The following PFKFB3 variants were observed in gnomAD, a reference collection of about 807,000 sequenced individuals.
PFKFB3 encodes 6-phosphofructo-2-kinase/fructose-2,6-bisphosphatase 3.
A neutral mutation model predicts 68.0 loss-of-function variants in PFKFB3; 33 were observed. The ratio of observed to expected loss-of-function variants is 0.49; its 90% CI spans 0.37 to 0.65. The LOEUF (loss-of-function observed/expected upper bound fraction) is 0.65. Ranked by LOEUF, PFKFB3 falls within the 30% of genes least tolerant of loss-of-function variation. The pLI, the probability that PFKFB3 is intolerant of heterozygous loss-of-function variation, is 0.00. For missense variants in PFKFB3, 586 were observed against 712.2 expected, an observed-to-expected ratio of 0.82 and a Z score of 2.02; for synonymous variants, 315 against 288.2, an observed-to-expected ratio of 1.09 and a Z score of -0.94.
the PFKFB3 span, among the ~76,000 whole-genome samples, chr10:6,303,276 A>G: frequency 6.6e-6 from 1 of 152,222 alleles, no homozygotes; most frequent in African/African-American, 2.4e-5. Context: ...ACAAACAAGA[A>G]AAAGAAAAAG....
rs543765716 is a variant in PFKFB3 at position 6,156,708 on chromosome 10, G to A, written c.16+11695G>A. On this transcript the variant is annotated intron_variant, in intron 1 of 14. Coordinates refer to the PFKFB3 transcript ENST00000379789. ...TCGCCATGTTGGCCAGGCTGGTCTC[G>A]AATCCCTGACCTCGTGATCCGCCCA... 3.3e-5 allele frequency among the ~76,000 whole-genome samples: 5 copies of A among 149,872 alleles called. No individual in the cohort carries two copies. The East Asian group carries it at 6.2e-4, about 19-fold the overall frequency.
the PFKFB3 span, among the ~76,000 whole-genome samples, chr10:6,288,256 G>A: frequency 3.4e-5 from 5 of 149,134 alleles, 1 homozygote; most frequent in Admixed American, 3.3e-4. Flanking sequence ...ACAATGTGCA[G>A]GTTAGTTACA....
intron 1 of PFKFB3, among the ~76,000 whole-genome samples, chr10:6,163,605 G>T (rs1386804645): frequency 6.6e-6 from 1 of 152,042 alleles, no homozygotes; most frequent in African/African-American, 2.4e-5. Context: ...TGCACCCCGC[G>T]CCTGCTTCCT....
At chr10:6,177,161 C>G (rs1238182661) in intron 1 of PFKFB3, among the ~76,000 whole-genome samples, 2 of 152,190 alleles carry the variant, frequency 1.3e-5, no homozygotes, top group African/African-American at 4.8e-5. Flanking sequence ...GATTCCTTAG[C>G]TCTACAGTGA....
chr10:6,256,278 G>A (rs1846493693), downstream of PFKFB3, among the ~76,000 whole-genome samples: 4 of 152,180 alleles, frequency 2.6e-5, no homozygotes, highest in South Asian at 8.3e-4. Flanking sequence ...TGAATTCCCA[G>A]GGACTAAGCA....
At chr10:6,205,854 G>C (rs1451151502) in intron 1 of PFKFB3, among the ~76,000 whole-genome samples, 1 of 151,944 alleles carries the variant, frequency 6.6e-6, no homozygotes, top group Non-Finnish European at 1.5e-5. Flanking sequence ...CTGGAGGGCA[G>C]TGGTGCGACC....
chr10:6,299,137 G>A, the PFKFB3 span, among the ~76,000 whole-genome samples: 15 of 152,276 alleles, frequency 9.9e-5, no homozygotes, highest in African/African-American at 3.6e-4. Flanking sequence ...TCTTGATAGC[G>A]CTGTGGTTAG....
chr10:6,149,062 G>C (rs1841492434), intron 1 of PFKFB3, among the ~76,000 whole-genome samples: 2 of 152,182 alleles, frequency 1.3e-5, no homozygotes, highest in Admixed American at 1.3e-4. Context: ...CTGAGTGACA[G>C]AGCAAGACCC....
chr10:6,241,259 T>A (rs902812566), intron 14 of PFKFB3, among the ~76,000 whole-genome samples: 8 of 152,172 alleles, frequency 5.3e-5, no homozygotes, highest in African/African-American at 1.9e-4. Context: ...TGGGACTGAG[T>A]CTGGTTAGGG....
At chr10:6,245,044 G>A (rs1349826910) in intron 14 of PFKFB3, among the ~76,000 whole-genome samples, 3 of 152,192 alleles carry the variant, frequency 2.0e-5, no homozygotes, top group Non-Finnish European at 2.9e-5. Context: ...GAGGGAAAGC[G>A]AGGTCAGGTG....
intron 1 of PFKFB3, among the ~76,000 whole-genome samples, chr10:6,197,443 G>A (rs577174800): frequency 6.6e-6 from 1 of 152,298 alleles, no homozygotes; most frequent in South Asian, 2.1e-4. Context: ...GTTTGTGTAA[G>A]TTCACTCTGT....
intron 1 of PFKFB3, among the ~76,000 whole-genome samples, chr10:6,177,590 A>T (rs1174166350): frequency 1.7e-4 from 24 of 144,138 alleles, no homozygotes; most frequent in African/African-American, 6.0e-4. Flanking sequence ...CAATGGTGCG[A>T]TCTCGGCTCA....
the PFKFB3 span, among the ~76,000 whole-genome samples, chr10:6,277,981 A>G: frequency 6.6e-6 from 1 of 151,164 alleles, no homozygotes; most frequent in South Asian, 2.1e-4. Context: ...CAGTGGCACC[A>G]TCTCTGGCTC....
At chr10:6,177,280 T>C (rs1294896158) in intron 1 of PFKFB3, among the ~76,000 whole-genome samples, 1 of 152,226 alleles carries the variant, frequency 6.6e-6, no homozygotes, top group Non-Finnish European at 1.5e-5. Flanking sequence ...CTTAGAATGC[T>C]CACCAGATTG....
the PFKFB3 span, among the ~76,000 whole-genome samples, chr10:6,318,814 GTC>G: frequency 3.9e-5 from 6 of 152,152 alleles, no homozygotes; most frequent in Admixed American, 3.3e-4. Context: ...GACCAGCTCC[GTC>G]TCTGCGGTGA....
chr10:6,325,595 T>A, the PFKFB3 span, among the ~76,000 whole-genome samples: 7 of 152,242 alleles, frequency 4.6e-5, no homozygotes, highest in African/African-American at 1.2e-4. Flanking sequence ...TAATTTTGCC[T>A]TTCATGGAGA....
intron 1 of PFKFB3, among the ~76,000 whole-genome samples, chr10:6,158,836 C>T (rs532773142): frequency 6.6e-6 from 1 of 150,944 alleles, no homozygotes; most frequent in Non-Finnish European, 1.5e-5. Context: ...CGCCACTGCT[C>T]TCTAGCCTGG....
chr10:6,170,739 C>T (rs1261612391), intron 1 of PFKFB3, among the ~76,000 whole-genome samples: 1 of 151,876 alleles, frequency 6.6e-6, no homozygotes, highest in Non-Finnish European at 1.5e-5. Context: ...GAGGTGGAGG[C>T]GGTGGCTGAG....
At position 6,166,383 on chromosome 10, in the gene PFKFB3, G is replaced by T. The variant is rs144993837; in HGVS notation, c.16+21370G>T. Among the ~76,000 whole-genome samples, 154 of 151,556 alleles carry T rather than the reference G, an allele frequency of 1.0e-3. 1 individual carries two copies. Among genetic ancestry groups the T allele is most frequent in the African/African-American group, 3.5e-3 (145 of 41,362 alleles). The stretch of plus-strand genomic sequence containing the variant: ...GCTGGGATTACAGACATGAGCCACC[G>T]CCCGGCTTAGTATTTTTTTTTTTCT... On this transcript the variant is annotated intron_variant, in intron 1 of 14. Coordinates refer to the PFKFB3 transcript ENST00000379789.
Sources: allele counts gnomAD v4.1 joint callset (sites outside exome capture counted in the v4.1 genomes callset), GRCh38; gene constraint gnomAD v4.1.1; transcripts MANE v1.5; gene names NCBI Gene and HGNC (gene_info 2026-07-23, HGNC 2026-07-21).